Variants in PPP2R2B observed in about 807,000 individuals in gnomAD.
PPP2R2B encodes the protein serine/threonine-protein phosphatase 2A 55 kDa regulatory subunit B beta isoform.
In PPP2R2B, 5 loss-of-function variants were observed where a neutral mutation model predicts 46.0. The ratio of observed to expected loss-of-function variants is 0.11; its 90% CI spans 0.06 to 0.23. The LOEUF (loss-of-function observed/expected upper bound fraction) is 0.23. Ranked by LOEUF, PPP2R2B falls within the 10% of genes least tolerant of loss-of-function variation. The probability of loss-of-function intolerance (pLI) is 1.00; values close to 1 mark genes in which losing one functional copy is unlikely to be tolerated. For synonymous variants in PPP2R2B, 215 were observed against 206.7 expected (o/e 1.04, Z -0.34); for missense variants, 367 against 575.0 (o/e 0.64, Z 3.70).
chr5:146,723,064 C>T (rs1164098031), intron 2 of PPP2R2B, among the ~76,000 whole-genome samples: 1 of 152,098 alleles, frequency 6.6e-6, no homozygotes, highest in African/African-American at 2.4e-5. Flanking sequence ...GGTTAGATGC[C>T]CATTTTAAGC....
chr5:147,045,068 G>A (rs1306309157), intron 1 of PPP2R2B, among the ~76,000 whole-genome samples: 1 of 152,118 alleles, frequency 6.6e-6, no homozygotes, highest in African/African-American at 2.4e-5. Context: ...AGGTGTCCAT[G>A]TTTATAAAGC....
At chr5:146,784,539 T>C (rs1335546736) in intron 2 of PPP2R2B, among the ~76,000 whole-genome samples, 1 of 152,194 alleles carries the variant, frequency 6.6e-6, no homozygotes, top group Non-Finnish European at 1.5e-5. Context: ...CTTCTCGTAA[T>C]AGTAAATCAG....
In PPP2R2B at chr5:146,922,740, G is replaced by A. The variant is rs536070907; in HGVS notation, c.79+132925C>T. 2.7e-4 allele frequency among the ~76,000 whole-genome samples: 41 copies of A among 152,264 alleles called. 1 individual carries two copies. Among genetic ancestry groups the A allele is most frequent in the Non-Finnish European group, 4.6e-4 (31 of 68,032 alleles). ...TCAGTTCTAGAGTAGAACTCTGGGT[G>A]GTTTAAGCCCATCAGCACATCCCAT... On this transcript the variant is annotated intron_variant, in intron 1 of 8. Transcript: ENST00000336640.
At chr5:146,703,577 G>A (rs1182256696) in intron 2 of PPP2R2B, among the ~76,000 whole-genome samples, 1 of 152,166 alleles carries the variant, frequency 6.6e-6, no homozygotes, top group Non-Finnish European at 1.5e-5. Context: ...TTCCCAGTGT[G>A]AGCTCTTGGC....
At chr5:146,860,368 T>C (rs1760912810) in intron 2 of PPP2R2B, among the ~76,000 whole-genome samples, 1 of 152,186 alleles carries the variant, frequency 6.6e-6, no homozygotes, top group Non-Finnish European at 1.5e-5. Flanking sequence ...CTTTTCAGTA[T>C]ATCAAAAACA....
intron 2 of PPP2R2B, among the ~76,000 whole-genome samples, chr5:146,795,859 C>T (rs967813477): frequency 1.6e-4 from 24 of 152,120 alleles, no homozygotes; most frequent in African/African-American, 4.1e-4. Context: ...GATGGAATAA[C>T]GCACATAAAA....
chr5:147,056,328 T>C (rs1757082306), upstream of PPP2R2B, among the ~76,000 whole-genome samples: 1 of 152,208 alleles, frequency 6.6e-6, no homozygotes, highest in African/African-American at 2.4e-5. Flanking sequence ...GATTTAGTTC[T>C]ATTTTTTAAA....
At chr5:146,744,124 C>A (rs556366091) in intron 2 of PPP2R2B, among the ~76,000 whole-genome samples, 1 of 152,320 alleles carries the variant, frequency 6.6e-6, no homozygotes, top group Admixed American at 6.5e-5. Flanking sequence ...TAGATGCTTG[C>A]TCCTTCCTCC....
intron 2 of PPP2R2B, among the ~76,000 whole-genome samples, chr5:146,874,058 G>T (rs1209276400): frequency 6.6e-6 from 1 of 152,164 alleles, no homozygotes; most frequent in Non-Finnish European, 1.5e-5. Context: ...CTCAGTTTCA[G>T]CTGTCTGAGA....
intron 1 of PPP2R2B, among the ~76,000 whole-genome samples, chr5:146,941,329 C>A (rs1195827454): frequency 2.0e-5 from 3 of 152,168 alleles, no homozygotes; most frequent in Non-Finnish European, 4.4e-5. Flanking sequence ...ATTTTCCTTT[C>A]AGCTCATTGT....
chr5:146,767,539 T>TACACACACAC (rs112893364), intron 2 of PPP2R2B, among the ~76,000 whole-genome samples: 4 of 150,428 alleles, frequency 2.7e-5, no homozygotes, highest in African/African-American at 9.8e-5. Flanking sequence ...CACACATACA[T>TACACACACAC]ACACACACAC....
rs1476408712 is a variant in PPP2R2B at position 146,588,267 on chromosome 5, A to G, written c.*1680T>C. ...TTTAATGTTCCTGAAATTGGGCTGC[A>G]TCTAACAAGACTGTTTTTACCTAAG... On this transcript the variant is annotated 3_prime_UTR_variant, in exon 10 of 10. Coordinates refer to ENST00000394411, the MANE Select transcript of PPP2R2B (RefSeq NM_181675.4). 4 of 152,216 alleles carry G rather than the reference A, an allele frequency of 2.6e-5. No individual in the cohort carries two copies. The highest frequency in any genetic ancestry group is 5.9e-5 in the Non-Finnish European group (4 of 68,038). 9.4% of individuals were successfully genotyped at this position (152,216 alleles called of 1,614,324 possible). A position where few individuals can be genotyped will look rare whatever the true frequency, so the allele number is the denominator to read the frequency against.
chr5:146,659,164 G>T (rs1037179677), intron 5 of PPP2R2B, among the ~76,000 whole-genome samples: 1 of 152,156 alleles, frequency 6.6e-6, no homozygotes, highest in East Asian at 1.9e-4. Flanking sequence ...AGTGGGTATT[G>T]GTGAGTATCC....
At chr5:146,650,240 G>A (rs1273515519) in intron 6 of PPP2R2B, among the ~76,000 whole-genome samples, 1 of 151,956 alleles carries the variant, frequency 6.6e-6, no homozygotes, top group Non-Finnish European at 1.5e-5. Flanking sequence ...TGAACTCTAG[G>A]GTCTTATCCT....
chr5:146,887,709 A>G (rs1214367121), intron 1 of PPP2R2B, among the ~76,000 whole-genome samples: 1 of 152,198 alleles, frequency 6.6e-6, no homozygotes, highest in Non-Finnish European at 1.5e-5. Flanking sequence ...CAACATGTAT[A>G]CCTTCAATTC....
intron 1 of PPP2R2B, among the ~76,000 whole-genome samples, chr5:147,042,807 G>A (rs1030201083): frequency 2.6e-5 from 4 of 152,096 alleles, no homozygotes; most frequent in African/African-American, 4.8e-5. Context: ...AGGAAGGTTT[G>A]TATGTAGGAT....
chr5:146,946,441 TTTTCAAAAGGCAG>T (rs2151832526), intron 1 of PPP2R2B, among the ~76,000 whole-genome samples: 1 of 152,252 alleles, frequency 6.6e-6, no homozygotes, highest in African/African-American at 2.4e-5. Context: ...GCAAGTTTCA[TTTTCAAAAGGCAG>T]TGCAATCAAT....
chr5:146,594,466 C>T (rs567498519), intron 8 of PPP2R2B, among the ~76,000 whole-genome samples: 1 of 152,278 alleles, frequency 6.6e-6, no homozygotes, highest in Admixed American at 6.5e-5. Flanking sequence ...GAAGGTAATC[C>T]TTCCTGAACC....
intron 1 of PPP2R2B, among the ~76,000 whole-genome samples, chr5:147,044,933 C>T (rs1162001235): frequency 6.6e-6 from 1 of 152,174 alleles, no homozygotes; most frequent in Non-Finnish European, 1.5e-5. Flanking sequence ...AAGTGGTCTG[C>T]CTGGAAGAGC....
Sources: allele counts gnomAD v4.1 joint callset (sites outside exome capture counted in the v4.1 genomes callset), GRCh38; gene constraint gnomAD v4.1.1; transcripts MANE v1.5; gene names NCBI Gene and HGNC (gene_info 2026-07-23, HGNC 2026-07-21).